Variants in SPOCK3 observed in about 807,000 individuals in gnomAD.
SPOCK3 encodes SPARC (osteonectin), cwcv and kazal like domains proteoglycan 3.
SPOCK3 carries 30 observed loss-of-function variants against 56.6 expected under a neutral mutation model. That is an observed-to-expected ratio of 0.53 (90% CI 0.40 to 0.72). SPOCK3 has a LOEUF of 0.72. SPOCK3 is among the 30% of genes least tolerant of loss of function. SPOCK3 has a pLI of 0.00. For missense variants in SPOCK3, 527 were observed against 530.0 expected, an observed-to-expected ratio of 0.99 and a Z score of 0.06; for synonymous variants, 196 against 183.3, an observed-to-expected ratio of 1.07 and a Z score of -0.56.
chr4:167,123,746 T>TC (rs1236508464), intron 2 of SPOCK3, among the ~76,000 whole-genome samples: 8 of 149,668 alleles, frequency 5.3e-5, no homozygotes, highest in Middle Eastern at 3.4e-3. Flanking sequence ...TTTTCTTTTT[T>TC]TTTTTTTTTT....
intron 2 of SPOCK3, among the ~76,000 whole-genome samples, chr4:167,138,786 A>T (rs1272466551): frequency 6.6e-6 from 1 of 151,952 alleles, no homozygotes; most frequent in Admixed American, 6.6e-5. Context: ...GAAAAGAACA[A>T]ATGCAAAAGT....
intron 10 of SPOCK3, among the ~76,000 whole-genome samples, chr4:166,736,998 T>C (rs1405512652): frequency 6.6e-6 from 1 of 152,146 alleles, no homozygotes; most frequent in Non-Finnish European, 1.5e-5. Flanking sequence ...GGAAACATGC[T>C]CATATAGCTG....
intron 5 of SPOCK3, among the ~76,000 whole-genome samples, chr4:166,893,513 G>A (rs1735009909): frequency 6.6e-6 from 1 of 151,968 alleles, no homozygotes; most frequent in Non-Finnish European, 1.5e-5. Flanking sequence ...TTATTCTTTT[G>A]ATCATAAAAA....
At chr4:167,119,143 AG>A (rs67854676) in intron 2 of SPOCK3, among the ~76,000 whole-genome samples, 87,056 of 123,930 alleles carry the variant, frequency 0.7, 28,007 homozygotes, top group East Asian at 0.89. Context: ...GGGGTGGGGG[AG>A]GGGGGGGAAC....
chr4:167,025,676 G>T (rs1005697583), intron 3 of SPOCK3, among the ~76,000 whole-genome samples: 8 of 151,902 alleles, frequency 5.3e-5, no homozygotes, highest in Non-Finnish European at 2.9e-5. Flanking sequence ...CAAACAAAAT[G>T]CACCAGATAT....
intron 2 of SPOCK3, among the ~76,000 whole-genome samples, chr4:167,117,776 A>G (rs1020183101): frequency 6.6e-6 from 1 of 152,162 alleles, no homozygotes; most frequent in Non-Finnish European, 1.5e-5. Flanking sequence ...AGATTTCTGG[A>G]AGTCAATGCA....
intron 6 of SPOCK3, among the ~76,000 whole-genome samples, chr4:166,832,286 C>A (rs911956494): frequency 7.9e-5 from 12 of 151,880 alleles, no homozygotes; most frequent in African/African-American, 2.9e-4. Context: ...AGTCCAGTTT[C>A]TTTCTTCTGA....
At chr4:166,815,570 T>C (rs944427811) in intron 6 of SPOCK3, among the ~76,000 whole-genome samples, 16 of 151,960 alleles carry the variant, frequency 1.1e-4, no homozygotes, top group African/African-American at 3.6e-4. Flanking sequence ...GGTGGGAAGA[T>C]CACTTGAGGC....
chr4:167,132,683 G>A (rs1314656039), intron 2 of SPOCK3, among the ~76,000 whole-genome samples: 1 of 152,116 alleles, frequency 6.6e-6, no homozygotes, highest in Non-Finnish European at 1.5e-5. Flanking sequence ...CTTGGCAGAA[G>A]CTAGGGGAAC....
chr4:166,978,140 A>G (rs1003160197), intron 4 of SPOCK3, among the ~76,000 whole-genome samples: 1 of 152,208 alleles, frequency 6.6e-6, no homozygotes, highest in Non-Finnish European at 1.5e-5. Flanking sequence ...TATTAGTATT[A>G]TTAGGATTGG....
intron 6 of SPOCK3, among the ~76,000 whole-genome samples, chr4:166,867,467 AAC>A (rs901534753): frequency 2.6e-5 from 4 of 151,906 alleles, no homozygotes; most frequent in African/African-American, 4.8e-5. Context: ...ATTATCATAA[AAC>A]AGTCACTATT....
intron 3 of SPOCK3, among the ~76,000 whole-genome samples, chr4:167,060,509 T>C (rs1304431416): frequency 2.0e-5 from 3 of 152,042 alleles, no homozygotes; most frequent in African/African-American, 7.2e-5. Context: ...GAAAAACAAA[T>C]ACACATATCT....
intron 4 of SPOCK3, among the ~76,000 whole-genome samples, chr4:166,927,995 T>C (rs1739308368): frequency 6.6e-6 from 1 of 152,200 alleles, no homozygotes; most frequent in Non-Finnish European, 1.5e-5. Flanking sequence ...ACAGCATATG[T>C]TATTCAGGAC....
intron 2 of SPOCK3, among the ~76,000 whole-genome samples, chr4:167,134,195 G>GT (rs113087824): frequency 0.16 from 23,877 of 149,654 alleles, 2,646 homozygotes; most frequent in African/African-American, 0.31. Flanking sequence ...AGCCTGGCTA[G>GT]TTTTTTTTTG....
At chr4:167,134,970 T>C (rs1447263946) in intron 2 of SPOCK3, among the ~76,000 whole-genome samples, 2 of 151,892 alleles carry the variant, frequency 1.3e-5, no homozygotes, top group African/African-American at 2.4e-5. Flanking sequence ...TCCAGATCCA[T>C]AAAGTGAAAA....
chr4:167,202,757 A>G (rs1294251188), intron 2 of SPOCK3, among the ~76,000 whole-genome samples: 2 of 149,076 alleles, frequency 1.3e-5, no homozygotes, highest in Admixed American at 1.3e-4. Context: ...TGTGTATTCA[A>G]TAAAAAAAAA....
At chr4:167,151,191 A>G (rs1435192381) in intron 2 of SPOCK3, among the ~76,000 whole-genome samples, 5 of 152,180 alleles carry the variant, frequency 3.3e-5, no homozygotes, top group African/African-American at 1.2e-4. Flanking sequence ...GACATCAACA[A>G]CTTTTAGTCC....
rs976697270 is a variant in SPOCK3, at chr4:166,966,948, T to C, written c.350+33401A>G. Among the ~76,000 whole-genome samples the C allele has an allele frequency of 6.6e-5, 10 of 152,184 alleles. No homozygotes were observed. In the East Asian group the frequency reaches 1.9e-3, roughly 30 times the overall value. On this transcript the variant is annotated intron_variant, in intron 4 of 10. Coordinates refer to ENST00000357545, the MANE Select transcript of SPOCK3 (RefSeq NM_001040159.2). The stretch of plus-strand genomic sequence containing the variant: ...CCAAAAAGAGGTTTCCATGTTCTGA[T>C]TCATTGAAACTCTTATACCTACCAG...
chr4:166,810,983 G>A (rs527551733), intron 6 of SPOCK3, among the ~76,000 whole-genome samples: 2 of 151,854 alleles, frequency 1.3e-5, no homozygotes, highest in African/African-American at 4.8e-5. Context: ...ATTTAAGTAA[G>A]ATTTTTCTTC....
Sources: gnomAD v4.1 joint callset for allele counts (sites outside exome capture counted in the v4.1 genomes callset) on GRCh38, gnomAD v4.1.1 for gene constraint, MANE v1.5 for transcripts, NCBI Gene and HGNC (gene_info 2026-07-23, HGNC 2026-07-21) for gene names.